Variants in MTHFD2L observed in about 807,000 individuals in gnomAD.
MTHFD2L encodes bifunctional methylenetetrahydrofolate dehydrogenase/cyclohydrolase 2, mitochondrial.
In MTHFD2L, 29 loss-of-function variants were observed where a neutral mutation model predicts 34.9. The observed-to-expected ratio is 0.83, with a 90% CI of 0.62 to 1.13. The LOEUF is 1.13. MTHFD2L is among the 50% of genes most tolerant of loss of function. The probability of loss-of-function intolerance (pLI) is 0.00; values close to 1 mark genes in which losing one functional copy is unlikely to be tolerated. For synonymous variants in MTHFD2L, 167 were observed against 155.7 expected, an observed-to-expected ratio of 1.07 and a Z score of -0.54; for missense variants, 481 against 446.5, an observed-to-expected ratio of 1.08 and a Z score of -0.70.
chr4:74,243,916 G>T (rs748321625), intron 6 of MTHFD2L, among the ~76,000 whole-genome samples: 1 of 152,194 alleles, frequency 6.6e-6, no homozygotes, highest in Non-Finnish European at 1.5e-5. Flanking sequence ...ATGCTTTGTG[G>T]AGGATCAAAA....
At chr4:74,192,172 T>C (rs1732660408) in intron 3 of MTHFD2L, among the ~76,000 whole-genome samples, 1 of 152,096 alleles carries the variant, frequency 6.6e-6, no homozygotes, top group Non-Finnish European at 1.5e-5. Flanking sequence ...GATGTTGATA[T>C]GCTATCGGAA....
At chr4:74,142,476 G>A (rs769531404) in intron 1 of MTHFD2L, among the ~76,000 whole-genome samples, 1 of 152,166 alleles carries the variant, frequency 6.6e-6, no homozygotes, top group African/African-American at 2.4e-5. Flanking sequence ...ACCTAGAAGA[G>A]GACTCTCACC....
intron 6 of MTHFD2L, among the ~76,000 whole-genome samples, chr4:74,240,800 T>C (rs1307570293): frequency 6.6e-6 from 1 of 152,192 alleles, no homozygotes; most frequent in Non-Finnish European, 1.5e-5. Flanking sequence ...CTGCCTGCTG[T>C]CATGTTGTTT....
At chr4:74,175,621 T>A (rs938939320) in intron 3 of MTHFD2L, among the ~76,000 whole-genome samples, 13 of 152,038 alleles carry the variant, frequency 8.6e-5, no homozygotes, top group African/African-American at 2.9e-4. Context: ...ATACATACAC[T>A]CCTTGCTTTG....
chr4:74,160,037 GTC>G, intron 1 of MTHFD2L: 2 of 1,281,246 alleles, frequency 1.6e-6, no homozygotes, highest in Non-Finnish European at 2.0e-6. Context: ...GCTTATTGGT[GTC>G]TCTTTTCTCT....
intron 3 of MTHFD2L, among the ~76,000 whole-genome samples, chr4:74,192,904 AT>A (rs755694673): frequency 5.9e-5 from 9 of 151,338 alleles, no homozygotes; most frequent in Non-Finnish European, 1.0e-4. Context: ...TTACCTGTAC[AT>A]TTTCTTAATG....
At chr4:74,263,978 A>C (rs1383140191) in intron 6 of MTHFD2L, among the ~76,000 whole-genome samples, 1 of 152,140 alleles carries the variant, frequency 6.6e-6, no homozygotes, top group Non-Finnish European at 1.5e-5. Flanking sequence ...TAATAATCTC[A>C]GAAATCACAT....
chr4:74,263,168 A>G (rs938856768), intron 6 of MTHFD2L, among the ~76,000 whole-genome samples: 3 of 151,710 alleles, frequency 2.0e-5, no homozygotes, highest in Non-Finnish European at 2.9e-5. Context: ...TACGTTCTCT[A>G]TTCTGTTCCA....
At chr4:74,226,749 C>T (rs961981840) in intron 6 of MTHFD2L, among the ~76,000 whole-genome samples, 10 of 152,078 alleles carry the variant, frequency 6.6e-5, no homozygotes, top group African/African-American at 2.2e-4. Context: ...TGGACCCTTC[C>T]TATGCAGCAG....
chr4:74,203,092 T>C (rs746747441), intron 5 of MTHFD2L, among the ~76,000 whole-genome samples: 1 of 152,202 alleles, frequency 6.6e-6, no homozygotes, highest in Non-Finnish European at 1.5e-5. Flanking sequence ...CACTTTTGAA[T>C]AATATTTTCC....
rs114906465 is a variant in MTHFD2L, at chr4:74,263,823, C to T, written c.806-17602C>T. Among the ~76,000 whole-genome samples, 879 of 151,852 alleles carry T rather than the reference C, an allele frequency of 5.8e-3. 9 individuals carry two copies. The highest frequency in any genetic ancestry group is 0.02 in the African/African-American group (846 of 41,434). Reference sequence around the variant, plus strand: ...AGATGCCTTTATTTCTTTCTCTTGCCTGCATAATTCAGTATATTAAAAGGG... The same window carrying T: ...AGATGCCTTTATTTCTTTCTCTTGCTTGCATAATTCAGTATATTAAAAGGG... On this transcript the variant is annotated intron_variant, in intron 6 of 7. Transcript: ENST00000325278.
At chr4:74,122,633 A>T (rs1237961936), upstream of MTHFD2L, among the ~76,000 whole-genome samples, 1 of 152,224 alleles carries the variant, frequency 6.6e-6, no homozygotes, top group Non-Finnish European at 1.5e-5. Context: ...AATCATAAGG[A>T]AACATCAGAT....
chr4:74,266,429 G>A (rs971883110), intron 6 of MTHFD2L, among the ~76,000 whole-genome samples: 1 of 152,086 alleles, frequency 6.6e-6, no homozygotes, highest in African/African-American at 2.4e-5. Context: ...ATCTGCTTTA[G>A]CCATCCTTCC....
At chr4:74,227,435 C>T (rs1194610083) in intron 6 of MTHFD2L, among the ~76,000 whole-genome samples, 1 of 150,782 alleles carries the variant, frequency 6.6e-6, no homozygotes, top group African/African-American at 2.5e-5. Flanking sequence ...TTCTGTTTCC[C>T]ATGGAGATAC....
At chr4:74,185,600 C>A (rs1731078488) in intron 3 of MTHFD2L, among the ~76,000 whole-genome samples, 1 of 152,078 alleles carries the variant, frequency 6.6e-6, no homozygotes, top group South Asian at 2.1e-4. Context: ...GTGGTAATAT[C>A]ACTACAGATT....
At chr4:74,119,557 G>A (rs1311821943), upstream of MTHFD2L, among the ~76,000 whole-genome samples, 2 of 152,186 alleles carry the variant, frequency 1.3e-5, no homozygotes, top group East Asian at 3.8e-4. Context: ...GCCGAGGCGG[G>A]CGGATCACGA....
intron 6 of MTHFD2L, among the ~76,000 whole-genome samples, chr4:74,240,154 A>C (rs1338303004): frequency 6.6e-6 from 1 of 152,252 alleles, no homozygotes; most frequent in African/African-American, 2.4e-5. Flanking sequence ...GTTATAGTGG[A>C]AGCTCTGCAA....
chr4:74,178,619 T>TA (rs556838863), intron 3 of MTHFD2L, among the ~76,000 whole-genome samples: 25 of 148,126 alleles, frequency 1.7e-4, no homozygotes, highest in Middle Eastern at 3.5e-3. Flanking sequence ...CCACAGTGAT[T>TA]AAAAAAAAAA....
At chr4:74,165,154 A>G (rs934656279) in intron 1 of MTHFD2L, 2 of 190,270 alleles carry the variant, frequency 1.1e-5, no homozygotes, top group African/African-American at 4.7e-5. Context: ...GTGAACTTAT[A>G]GAATAGTTTC....
Sources: allele counts gnomAD v4.1 joint callset (sites outside exome capture counted in the v4.1 genomes callset), GRCh38; gene constraint gnomAD v4.1.1; transcripts MANE v1.5; gene names NCBI Gene and HGNC (gene_info 2026-07-23, HGNC 2026-07-21).